SFMBT2: variants seen among roughly 807,000 people sequenced by gnomAD.
SFMBT2 encodes Scm like with four mbt domains 2.
Under a neutral mutation model 110.1 loss-of-function variants are expected in SFMBT2, and 38 were observed. The observed-to-expected ratio is 0.35, with a 90% confidence interval of 0.27 to 0.45. SFMBT2 has a LOEUF of 0.45. Among genes scored for constraint, SFMBT2 ranks in the 20% least tolerant of loss-of-function variants. The probability of loss-of-function intolerance (pLI) is 1.00; values close to 1 mark genes in which losing one functional copy is unlikely to be tolerated. For synonymous variants in SFMBT2, 425 were observed against 425.4 expected (o/e 1.00, Z 0.01); for missense variants, 1,011 against 1,094.9 (o/e 0.92, Z 1.08).
intron 17 of SFMBT2, among the ~76,000 whole-genome samples, chr10:7,173,148 G>A (rs952650048): frequency 2.0e-5 from 3 of 152,210 alleles, no homozygotes; most frequent in South Asian, 2.1e-4. Flanking sequence ...GTAAGTGTGC[G>A]CAGTGAAAGC....
intron 1 of SFMBT2, among the ~76,000 whole-genome samples, chr10:7,399,235 G>T (rs1846007250): frequency 6.6e-6 from 1 of 151,942 alleles, no homozygotes; most frequent in African/African-American, 2.4e-5. Flanking sequence ...TTGGGGTTTT[G>T]TTTTGTTTTT....
chr10:7,346,619 T>G lies in SFMBT2; in HGVS notation c.436+21030A>C, dbSNP rs61837687. Among the ~76,000 whole-genome samples, 1,300 of 152,274 alleles carry G rather than the reference T, an allele frequency of 8.5e-3. 11 individuals carry two copies. Among genetic ancestry groups the G allele is most frequent in the Non-Finnish European group, 0.016 (1,065 of 68,020 alleles). Reference sequence around the variant, plus strand: ...AAAAAATACCATTCTCTTTTACATTTTAACACTCTTACATTTTCCCTTAGA... The same window carrying G: ...AAAAAATACCATTCTCTTTTACATTGTAACACTCTTACATTTTCCCTTAGA... On this transcript the variant is annotated intron_variant, in intron 4 of 20. Transcript: ENST00000397167.
intron 4 of SFMBT2, among the ~76,000 whole-genome samples, chr10:7,330,411 C>T (rs1292770149): frequency 2.6e-5 from 4 of 152,084 alleles, no homozygotes; most frequent in Non-Finnish European, 4.4e-5. Context: ...ATTAATTAAC[C>T]GCTTTCATCC....
intron 1 of SFMBT2, among the ~76,000 whole-genome samples, chr10:7,389,983 C>T (rs532017947): frequency 2.6e-5 from 4 of 152,290 alleles, no homozygotes; most frequent in Non-Finnish European, 2.9e-5. Context: ...AGGAAGAACA[C>T]GAGTGAGAAA....
intron 1 of SFMBT2, among the ~76,000 whole-genome samples, chr10:7,409,610 AGCAATG>A (rs1420060492): frequency 1.3e-5 from 2 of 151,566 alleles, no homozygotes; most frequent in East Asian, 3.9e-4. Context: ...TTTCCCCCCT[AGCAATG>A]GACTTGACAC....
intron 10 of SFMBT2, among the ~76,000 whole-genome samples, chr10:7,221,522 C>T (rs906396232): frequency 2.0e-5 from 3 of 150,878 alleles, no homozygotes; most frequent in South Asian, 2.1e-4. Context: ...GCTGAGATCT[C>T]GCCACTGCAC....
At position 7,333,333 on chromosome 10, in the gene SFMBT2, C is replaced by G. The variant is rs182483137; in HGVS notation, c.436+34316G>C. Among the ~76,000 whole-genome samples, 50 of 151,706 alleles carry G rather than the reference C, an allele frequency of 3.3e-4. 2 individuals are homozygous for G. The highest frequency in any genetic ancestry group is 1.1e-3 in the African/African-American group (47 of 41,380). On this transcript the variant is annotated intron_variant, in intron 4 of 20. Coordinates refer to ENST00000397167, the MANE Select transcript of SFMBT2 (RefSeq NM_001387889.1). ...AAGGTTTAAGGACACACCATAATGCCTGGCATATTACAGGCACCTAGTAAA... is the reference window on the plus strand; with the variant it reads ...AAGGTTTAAGGACACACCATAATGCGTGGCATATTACAGGCACCTAGTAAA...
At chr10:7,348,477 A>G (rs1844192276) in intron 4 of SFMBT2, 1 of 555,550 alleles carries the variant, frequency 1.8e-6, no homozygotes, top group East Asian at 3.4e-5. Flanking sequence ...AATCAACTCT[A>G]CTTAACAGCT....
At chr10:7,199,092 C>T (rs368813136) in intron 14 of SFMBT2, among the ~76,000 whole-genome samples, 8 of 152,250 alleles carry the variant, frequency 5.3e-5, no homozygotes, top group South Asian at 2.1e-4. Context: ...AATTCTCCTG[C>T]CTGAGCCTCC....
rs148816546 is a variant in SFMBT2 at position 7,308,894 on chromosome 10, C to A, written c.437-22940G>T. On this transcript the variant is annotated intron_variant, in intron 4 of 20. Transcript: ENST00000397167. ...TGCCGGATCAATAAAGAACTACAGACCAGTAGAAAGAAGAAAAATGAGCAA... is the reference window on the plus strand; with the variant it reads ...TGCCGGATCAATAAAGAACTACAGAACAGTAGAAAGAAGAAAAATGAGCAA... Among the ~76,000 whole-genome samples, 9 of 152,118 alleles carry A rather than the reference C, an allele frequency of 5.9e-5. No homozygotes were observed. In the East Asian group the frequency reaches 1.7e-3, roughly 29 times the overall value.
At chr10:7,330,173 G>A (rs915590260) in intron 4 of SFMBT2, among the ~76,000 whole-genome samples, 3 of 152,198 alleles carry the variant, frequency 2.0e-5, no homozygotes, top group African/African-American at 7.2e-5. Context: ...TTACAACTGT[G>A]TAGCAGGCTA....
At chr10:7,356,857 A>C (rs1369264700) in intron 4 of SFMBT2, among the ~76,000 whole-genome samples, 1 of 152,188 alleles carries the variant, frequency 6.6e-6, no homozygotes, top group Non-Finnish European at 1.5e-5. Flanking sequence ...AATTCAGATA[A>C]ATCATGGTGG....
At chr10:7,342,570 A>G (rs897379491) in intron 4 of SFMBT2, among the ~76,000 whole-genome samples, 25 of 151,666 alleles carry the variant, frequency 1.6e-4, no homozygotes, top group Non-Finnish European at 2.2e-4. Context: ...CACCGCGCCC[A>G]GCTAATATTT....
chr10:7,343,431 T>C (rs569480881), intron 4 of SFMBT2, among the ~76,000 whole-genome samples: 5 of 152,298 alleles, frequency 3.3e-5, no homozygotes, highest in Non-Finnish European at 4.4e-5. Context: ...AGTTGAATGG[T>C]AGTTCTAACT....
At chr10:7,382,810 C>T (rs921630022) in intron 1 of SFMBT2, among the ~76,000 whole-genome samples, 7 of 152,218 alleles carry the variant, frequency 4.6e-5, no homozygotes, top group South Asian at 4.1e-4. Context: ...ACTTTCCCTA[C>T]GATAGCACTG....
chr10:7,244,722 A>T (rs1840553540), intron 8 of SFMBT2, among the ~76,000 whole-genome samples: 1 of 152,224 alleles, frequency 6.6e-6, no homozygotes, highest in Non-Finnish European at 1.5e-5. Flanking sequence ...GGAAACCTTG[A>T]GAGTTTTACA....
At chr10:7,410,036 G>A (rs1224517223) in intron 1 of SFMBT2, among the ~76,000 whole-genome samples, 1 of 151,820 alleles carries the variant, frequency 6.6e-6, no homozygotes, top group Admixed American at 6.6e-5. Flanking sequence ...GCGGATTTCT[G>A]CAAAACATAC....
At chr10:7,241,342 T>G in intron 9 of SFMBT2, 1 of 982,208 alleles carries the variant, frequency 1.0e-6, no homozygotes, top group East Asian at 1.1e-4. Context: ...TTTAATGGTT[T>G]AAAAAGAGTT....
intron 20 of SFMBT2, chr10:7,164,176 C>G (rs1837630951): frequency 1.1e-6 from 1 of 944,790 alleles, no homozygotes; most frequent in African/African-American, 1.8e-5. Context: ...CGCTTGAGAC[C>G]AGGAGTTTGA....
Sources: allele counts gnomAD v4.1 joint callset (sites outside exome capture counted in the v4.1 genomes callset), GRCh38; gene constraint gnomAD v4.1.1; transcripts MANE v1.5; gene names NCBI Gene and HGNC (gene_info 2026-07-23, HGNC 2026-07-21).